Variants in RFX7 observed in about 807,000 individuals in gnomAD.
RFX7 encodes the protein DNA-binding protein RFX7.
Under a neutral mutation model 111.8 loss-of-function variants are expected in RFX7, and 26 were observed. The observed-to-expected ratio is 0.23, with a 90% CI of 0.17 to 0.32. The LOEUF (loss-of-function observed/expected upper bound fraction) is 0.32, where lower values mean the gene tolerates loss of function less well. RFX7 is among the 10% of genes least tolerant of loss of function. RFX7 has a pLI of 1.00. For missense variants in RFX7, 1,573 were observed against 1,772.9 expected (o/e 0.89, Z 2.02); for synonymous variants, 624 against 624.4 (o/e 1.00, Z 0.01).
intron 2 of RFX7, among the ~76,000 whole-genome samples, chr15:56,223,573 T>C (rs1470556075): frequency 6.6e-6 from 1 of 152,204 alleles, no homozygotes; most frequent in Admixed American, 6.5e-5. Flanking sequence ...CCATTAAGGC[T>C]GGTCCTGGAA....
At chr15:56,116,126 T>C (rs372091944) in intron 5 of RFX7, among the ~76,000 whole-genome samples, 24 of 152,232 alleles carry the variant, frequency 1.6e-4, no homozygotes, top group African/African-American at 4.8e-4. Context: ...ACTTAGTTAT[T>C]CAATAGTTGG....
intron 2 of RFX7, among the ~76,000 whole-genome samples, chr15:56,218,754 C>T (rs1276417736): frequency 2.0e-5 from 3 of 152,130 alleles, no homozygotes. Flanking sequence ...GTATTGAGTG[C>T]CAATACATTG....
intron 5 of RFX7, among the ~76,000 whole-genome samples, chr15:56,129,191 C>A (rs2042181582): frequency 6.6e-6 from 1 of 152,058 alleles, no homozygotes; most frequent in Admixed American, 6.5e-5. Flanking sequence ...GCCTTGCCAA[C>A]ATGGTGAAAC....
intron 3 of RFX7, among the ~76,000 whole-genome samples, chr15:56,151,940 C>A (rs930339761): frequency 6.6e-6 from 1 of 152,022 alleles, no homozygotes; most frequent in South Asian, 2.1e-4. Flanking sequence ...TTTAAACCAA[C>A]AAAGATCAAG....
rs774037745 is a variant in RFX7, at chr15:56,096,339, G to A, written c.1389C>T (p.Pro463=). Reference sequence around the variant, plus strand: ...CATTTAGAGAACTCATGTGTGAAGCGGGTACAACAGCAGTTTTGATGGGAC... The same window carrying A: ...CATTTAGAGAACTCATGTGTGAAGCAGGTACAACAGCAGTTTTGATGGGAC... ...TSSPIKTAVV[P]ASHMSSLNVV... The change falls in exon 10 of 10, where the codon CCC becomes CCT. Residue 463 remains proline (P), a synonymous_variant. Coordinates refer to ENST00000559447, the MANE Select transcript of RFX7 (RefSeq NM_022841.7). The A allele has an allele frequency of 8.1e-6, 13 of 1,613,794 alleles. No homozygotes were observed. The highest frequency in any genetic ancestry group is 2.2e-5 in the East Asian group (1 of 44,898).
chr15:56,135,941 T>C (rs1338751354), intron 5 of RFX7, among the ~76,000 whole-genome samples: 3 of 152,208 alleles, frequency 2.0e-5, no homozygotes, highest in Admixed American at 6.5e-5. Context: ...TGCGGCATTA[T>C]TTTTGAGGGC....
chr15:56,149,861 C>T (rs559400948), intron 3 of RFX7, among the ~76,000 whole-genome samples: 1 of 151,696 alleles, frequency 6.6e-6, no homozygotes, highest in African/African-American at 2.4e-5. Flanking sequence ...TAAGACAGAA[C>T]CATTTACTCC....
chr15:56,131,895 G>A (rs1243527411), intron 5 of RFX7, among the ~76,000 whole-genome samples: 1 of 151,580 alleles, frequency 6.6e-6, no homozygotes, highest in Non-Finnish European at 1.5e-5. Context: ...ACAAAATCCA[G>A]TAAATATAAA....
intron 2 of RFX7, among the ~76,000 whole-genome samples, chr15:56,219,893 T>C (rs537801548): frequency 6.6e-6 from 1 of 152,240 alleles, no homozygotes; most frequent in Non-Finnish European, 1.5e-5. Flanking sequence ...AATAATGGGA[T>C]TGCTGGGTCA....
At chr15:56,159,621 G>C (rs576097599) in intron 3 of RFX7, among the ~76,000 whole-genome samples, 1 of 152,248 alleles carries the variant, frequency 6.6e-6, no homozygotes, top group African/African-American at 2.4e-5. Flanking sequence ...ACTTTCTCCA[G>C]GTTCGTCTGG....
At chr15:56,227,176 G>C (rs1440933509) in intron 2 of RFX7, among the ~76,000 whole-genome samples, 2 of 152,130 alleles carry the variant, frequency 1.3e-5, no homozygotes, top group Admixed American at 6.5e-5. Flanking sequence ...ATTTTGCAAA[G>C]GTTCTCAACT....
At chr15:56,236,311 TAGTC>T (rs1442906426) in intron 2 of RFX7, among the ~76,000 whole-genome samples, 44 of 152,346 alleles carry the variant, frequency 2.9e-4, no homozygotes, top group African/African-American at 1.0e-3. Context: ...CTTAATCTCA[TAGTC>T]AGCAAGTAAG....
intron 2 of RFX7, among the ~76,000 whole-genome samples, chr15:56,213,914 C>T (rs2043336901): frequency 6.6e-6 from 1 of 152,112 alleles, no homozygotes; most frequent in African/African-American, 2.4e-5. Context: ...CAATCTTTGT[C>T]ACCTACAATT....
intron 2 of RFX7, among the ~76,000 whole-genome samples, chr15:56,233,722 T>C (rs1370030768): frequency 2.0e-5 from 3 of 152,162 alleles, no homozygotes; most frequent in African/African-American, 4.8e-5. Flanking sequence ...TACTAAGGCA[T>C]AGAAAAATCG....
intron 5 of RFX7, among the ~76,000 whole-genome samples, chr15:56,136,905 A>G (rs1386452411): frequency 1.4e-5 from 2 of 145,998 alleles, no homozygotes; most frequent in Non-Finnish European, 3.0e-5. Context: ...CTCTGTTTAT[A>G]TGCTGGATTA....
intron 3 of RFX7, among the ~76,000 whole-genome samples, chr15:56,153,818 A>C (rs1447424846): frequency 1.3e-5 from 2 of 152,190 alleles, no homozygotes; most frequent in African/African-American, 4.8e-5. Context: ...CAAAGCATAA[A>C]GGGTATTCAA....
chr15:56,243,304 G>T lies in RFX7; in HGVS notation c.-2-17C>A. 5.4e-6 allele frequency: 6 copies of T among 1,109,592 alleles called. No individual in the cohort carries two copies. The highest frequency in any genetic ancestry group is 5.7e-6 in the Non-Finnish European group (5 of 870,326). The allele number at this position is 1,109,592 out of a possible 1,614,324, so 68.7% of individuals were successfully genotyped here. ...CTGCCATCGCTGCAGAGGGGTGGGA[G>T]GGAGGGAGGGAAAGATGGGGGCGCG... On this transcript the variant is annotated splice_polypyrimidine_tract_variant and intron_variant, in intron 1 of 9. Coordinates refer to ENST00000559447, the MANE Select transcript of RFX7 (RefSeq NM_022841.7).
chr15:56,099,053 A>G (rs1228722588), intron 8 of RFX7, among the ~76,000 whole-genome samples: 2 of 152,230 alleles, frequency 1.3e-5, no homozygotes, highest in Non-Finnish European at 2.9e-5. Context: ...TAAGATAAAC[A>G]CTGAAAAAAA....
At chr15:56,136,423 T>C (rs187634625) in intron 5 of RFX7, among the ~76,000 whole-genome samples, 3 of 146,136 alleles carry the variant, frequency 2.1e-5, no homozygotes, top group African/African-American at 7.7e-5. Flanking sequence ...TGTTTGTCTG[T>C]TGCTGGTGTA....
Sources: allele counts gnomAD v4.1 joint callset (sites outside exome capture counted in the v4.1 genomes callset), GRCh38; gene constraint gnomAD v4.1.1; transcripts MANE v1.5; gene names NCBI Gene and HGNC (gene_info 2026-07-23, HGNC 2026-07-21).